AKT3: variants seen among roughly 807,000 people sequenced by gnomAD.
The protein encoded by AKT3 is RAC-gamma serine/threonine-protein kinase.
A neutral mutation model predicts 65.3 loss-of-function variants in AKT3; 15 were observed. That is an observed-to-expected ratio of 0.23 (90% CI 0.15 to 0.35). The LOEUF (loss-of-function observed/expected upper bound fraction) is 0.35. Among genes scored for constraint, AKT3 ranks in the 10% least tolerant of loss-of-function variants. The probability of loss-of-function intolerance (pLI) is 1.00; values close to 1 mark genes in which losing one functional copy is unlikely to be tolerated. For synonymous variants in AKT3, 206 were observed against 183.8 expected, an observed-to-expected ratio of 1.12 and a Z score of -0.98; for missense variants, 243 against 576.5, an observed-to-expected ratio of 0.42 and a Z score of 5.92.
At chr1:243,639,970 C>T (rs1237485727) in intron 5 of AKT3, among the ~76,000 whole-genome samples, 1 of 152,120 alleles carries the variant, frequency 6.6e-6, no homozygotes, top group African/African-American at 2.4e-5. Context: ...AACTACATCC[C>T]AATATCTCTC....
At chr1:243,816,177 A>G (rs76530001) in intron 2 of AKT3, among the ~76,000 whole-genome samples, 3,962 of 152,286 alleles carry the variant, frequency 0.026, 166 homozygotes, top group African/African-American at 0.09. Context: ...TGGTGGGAAT[A>G]GCAGCTTAAT....
intron 8 of AKT3, 133 bp from the exon 9 acceptor site, chr1:243,573,181 C>G (rs901617800): frequency 7.9e-6 from 8 of 1,007,726 alleles, no homozygotes; most frequent in Non-Finnish European, 9.5e-6. Context: ...ACTGAGCACT[C>G]TTAGACAGCA....
chr1:243,642,469 C>T (rs1481047984), intron 5 of AKT3, among the ~76,000 whole-genome samples: 1 of 152,188 alleles, frequency 6.6e-6, no homozygotes, highest in Non-Finnish European at 1.5e-5. Context: ...GCCACCACGC[C>T]TGGTTAATTT....
intron 8 of AKT3, among the ~76,000 whole-genome samples, chr1:243,607,381 C>CA (rs1301233869): frequency 6.6e-6 from 1 of 152,208 alleles, no homozygotes; most frequent in Non-Finnish European, 1.5e-5. Context: ...ATCTGGATGT[C>CA]AGACACGGAG....
chr1:243,636,269 GTTAAGT>G (rs995041781), intron 6 of AKT3, among the ~76,000 whole-genome samples: 32 of 151,968 alleles, frequency 2.1e-4, no homozygotes, highest in African/African-American at 7.5e-4. Flanking sequence ...AATTTAATTT[GTTAAGT>G]TTATTTAATA....
intron 4 of AKT3, among the ~76,000 whole-genome samples, chr1:243,646,625 G>C (rs1680838601): frequency 6.6e-6 from 1 of 152,054 alleles, no homozygotes; most frequent in Non-Finnish European, 1.5e-5. Flanking sequence ...AAAGTGCTGG[G>C]ATTACAGCCA....
rs557576420 is a variant in AKT3 at position 243,766,848 on chromosome 1, A to C, written c.47-71132T>G. Reference sequence around the variant, plus strand: ...TAGCACGTGCACAGGGGACTGAAGTAGGTAGAAGATATGAATGTTTCTAGT... The same window carrying C: ...TAGCACGTGCACAGGGGACTGAAGTCGGTAGAAGATATGAATGTTTCTAGT... On this transcript the variant is annotated intron_variant, in intron 2 of 13. Transcript: ENST00000673466. 7.9e-5 allele frequency among the ~76,000 whole-genome samples: 12 copies of C among 152,298 alleles called. No homozygotes were observed. In the South Asian group the frequency reaches 2.5e-3, roughly 32 times the overall value.
intron 2 of AKT3, among the ~76,000 whole-genome samples, chr1:243,721,789 T>C (rs1330527320): frequency 2.0e-5 from 3 of 152,116 alleles, no homozygotes; most frequent in East Asian, 1.9e-4. Context: ...AGAATGCCAC[T>C]GCTAAAAGGA....
chr1:243,699,495 ATATATATATATATATAT>A (rs1685294942), intron 2 of AKT3, among the ~76,000 whole-genome samples: 3 of 49,242 alleles, frequency 6.1e-5, no homozygotes, highest in African/African-American at 1.8e-4. Context: ...ATATATATAT[ATATATATATATATATAT>A]AATCTTCATG....
At chr1:243,514,948 T>C (rs756586164) in intron 12 of AKT3, among the ~76,000 whole-genome samples, 1 of 152,238 alleles carries the variant, frequency 6.6e-6, no homozygotes, top group South Asian at 2.1e-4. Flanking sequence ...CTTGTGCCCA[T>C]GTGTACTTCC....
intron 2 of AKT3, among the ~76,000 whole-genome samples, chr1:243,754,425 T>C (rs1465680018): frequency 6.6e-6 from 1 of 152,160 alleles, no homozygotes; most frequent in East Asian, 1.9e-4. Context: ...ACTGGACATT[T>C]GGCAACACAT....
chr1:243,648,588 A>G (rs1681029587), intron 4 of AKT3, among the ~76,000 whole-genome samples: 1 of 152,226 alleles, frequency 6.6e-6, no homozygotes, highest in South Asian at 2.1e-4. Flanking sequence ...CAGTGGCCTT[A>G]TAAAATAAGT....
chr1:243,745,051 G>A (rs1688395615), intron 2 of AKT3, among the ~76,000 whole-genome samples: 1 of 152,122 alleles, frequency 6.6e-6, no homozygotes, highest in Admixed American at 6.5e-5. Context: ...AGTAGGCTGG[G>A]GGCAGTGGCT....
At chr1:243,806,895 GCAAATATGGATCT>G (rs548501131) in intron 2 of AKT3, among the ~76,000 whole-genome samples, 26 of 152,184 alleles carry the variant, frequency 1.7e-4, no homozygotes, top group East Asian at 1.2e-3. Flanking sequence ...ATCTTTCCTT[GCAAATATGGATCT>G]CAAATATGGA....
chr1:243,535,340 A>G (rs1249010783), intron 12 of AKT3, among the ~76,000 whole-genome samples: 3 of 152,100 alleles, frequency 2.0e-5, no homozygotes, highest in African/African-American at 7.2e-5. Context: ...GTTGTACCCA[A>G]CAGGTGACTT....
intron 12 of AKT3, among the ~76,000 whole-genome samples, chr1:243,544,792 C>T (rs1574577316): frequency 6.6e-6 from 1 of 151,476 alleles, no homozygotes; most frequent in South Asian, 2.1e-4. Context: ...CAGCCTCAAC[C>T]TCCTGTGCTC....
chr1:243,686,449 C>T (rs1684304269), intron 3 of AKT3, among the ~76,000 whole-genome samples: 1 of 151,392 alleles, frequency 6.6e-6, no homozygotes, highest in South Asian at 2.1e-4. Context: ...CTGTTGTAAG[C>T]AAGTTCTCTA....
rs114661204 is a variant in AKT3 at position 243,703,896 on chromosome 1, T to A, written c.47-8180A>T. Among the ~76,000 whole-genome samples, 780 of 152,308 alleles carry A rather than the reference T, an allele frequency of 5.1e-3. 9 individuals are homozygous for A. The highest frequency in any genetic ancestry group is 0.018 in the African/African-American group (740 of 41,578). On this transcript the variant is annotated intron_variant, in intron 2 of 13. Transcript: ENST00000673466. ...TGTAACTTTTTAAAGTGATTTTGCA[T>A]ATTATAGGTACTTATTAAATACATA... is the stretch of plus-strand genomic sequence containing the variant.
In AKT3 at chr1:243,814,641, C is replaced by T. The variant is rs565339521; in HGVS notation, c.46+28484G>A. 3.9e-5 allele frequency: 6 copies of T among 152,406 alleles called. No individual in the cohort carries two copies. The East Asian group carries it at 7.7e-4, about 20-fold the overall frequency. The allele number at this position is 152,406 out of a possible 1,614,324, so 9.4% of individuals were successfully genotyped here. Reference sequence around the variant, plus strand: ...CTCTGCATCAAATGTTCTCCCCCAACCCCACTACCTGCCTCTGTTGCCAGG... The same window carrying T: ...CTCTGCATCAAATGTTCTCCCCCAATCCCACTACCTGCCTCTGTTGCCAGG... On this transcript the variant is annotated intron_variant, in intron 2 of 13. Transcript: ENST00000673466.
Sources: gnomAD v4.1 joint callset for allele counts (sites outside exome capture counted in the v4.1 genomes callset) on GRCh38, gnomAD v4.1.1 for gene constraint, MANE v1.5 for transcripts, NCBI Gene and HGNC (gene_info 2026-07-23, HGNC 2026-07-21) for gene names.